Variants in WDR88 observed in about 807,000 individuals in gnomAD.
WDR88 encodes the protein WD repeat domain 88.
WDR88 carries 40 observed loss-of-function variants against 46.8 expected under a neutral mutation model. The ratio of observed to expected loss-of-function variants is 0.86; its 90% CI spans 0.66 to 1.11. WDR88 has a LOEUF of 1.11. Among genes scored for constraint, WDR88 ranks in the 50% most tolerant of loss-of-function variants. The pLI is 0.00. For synonymous variants in WDR88, 235 were observed against 240.7 expected (o/e 0.98, Z 0.22); for missense variants, 562 against 602.4 (o/e 0.93, Z 0.70).
Position 33,132,291 on chromosome 19 carries a change from C to T in WDR88, c.122C>T (p.Ala41Val), listed in dbSNP as rs375921114. The part of the protein sequence containing the change: ...GKLSWGTMAR[A>V]LGRFKLSIPH... ...CTGTCCTGGGGGACCATGGCGAGGG[C>T]CTTAGGCCGCTTCAAGCTGTCGATC... Residue 41 changes from alanine to valine, a missense_variant, in exon 1 of 11, where the codon GCC becomes GTC. Transcript: ENST00000355868. 7 of 1,613,642 alleles carry T rather than the reference C, an allele frequency of 4.3e-6. No homozygotes were observed. In the African/African-American group the frequency reaches 9.3e-5, roughly 22 times the overall value.
Position 33,175,769 on chromosome 19 carries a change from C to G in WDR88, c.*197C>G. 1.7e-6 allele frequency: 1 copy of G among 593,574 alleles called. No homozygotes were observed. The highest frequency in any genetic ancestry group is 3.0e-6 in the Non-Finnish European group (1 of 335,948). 36.8% of individuals were successfully genotyped at this position (593,574 alleles called of 1,614,324 possible). ...TTGGGGAGTGAACACTTTCCGTTTT[C>G]ATGCAGAATAAATCTAATTCCTTTG... is the stretch of plus-strand genomic sequence containing the variant. On this transcript the variant is annotated 3_prime_UTR_variant, in exon 11 of 11. Coordinates refer to ENST00000355868, the MANE Select transcript of WDR88 (RefSeq NM_173479.4).
At chr19:33,172,864 C>T (rs936741313) in intron 10 of WDR88, among the ~76,000 whole-genome samples, 5 of 151,784 alleles carry the variant, frequency 3.3e-5, no homozygotes, top group African/African-American at 1.2e-4. Context: ...CTGAAGCAGG[C>T]GGATCACCTG....
chr19:33,135,062 G>T (rs552110787), intron 1 of WDR88, among the ~76,000 whole-genome samples: 1 of 151,478 alleles, frequency 6.6e-6, no homozygotes, highest in Non-Finnish European at 1.5e-5. Flanking sequence ...TGGGTGGGGG[G>T]GGTGACATCT....
intron 8 of WDR88, among the ~76,000 whole-genome samples, chr19:33,163,347 T>A (rs1973901020): frequency 7.4e-6 from 1 of 134,308 alleles, no homozygotes; most frequent in Non-Finnish European, 1.6e-5. Context: ...AAAAAAAAAA[T>A]TAGCTGGGCA....
intron 2 of WDR88, among the ~76,000 whole-genome samples, chr19:33,144,418 T>C (rs1268811382): frequency 5.9e-5 from 9 of 152,178 alleles, no homozygotes; most frequent in Admixed American, 5.9e-4. Flanking sequence ...CAGGCTGGTC[T>C]TGAACTCCTG....
At chr19:33,132,534 C>T (rs1973150653) in intron 1 of WDR88, 89 bp downstream of exon 1, 2 of 1,540,386 alleles carry the variant, frequency 1.3e-6, no homozygotes, top group Non-Finnish European at 1.8e-6. Context: ...CATGGAAAAC[C>T]CACCTGGCTT....
At chr19:33,156,881 T>C (rs1973746136) in intron 7 of WDR88, among the ~76,000 whole-genome samples, 1 of 152,162 alleles carries the variant, frequency 6.6e-6, no homozygotes, top group Non-Finnish European at 1.5e-5. Context: ...AGCTTCCCTC[T>C]GTATCAGCCT....
Position 33,144,940 on chromosome 19 carries a change from T to C in WDR88, c.476+8T>C. The stretch of plus-strand genomic sequence containing the variant: ...CACCGGCGACAGCAGCAGGTGACCT[T>C]TCCCTCGTCTTACACTGGGAAGAGG... On this transcript the variant is annotated splice_region_variant and intron_variant, in intron 3 of 10. Coordinates refer to ENST00000355868, the MANE Select transcript of WDR88 (RefSeq NM_173479.4). 1 of 1,611,624 alleles carries C rather than the reference T, an allele frequency of 6.2e-7. No individual in the cohort carries two copies. The highest frequency in any genetic ancestry group is 8.5e-7 in the Non-Finnish European group (1 of 1,178,768).
intron 7 of WDR88, among the ~76,000 whole-genome samples, chr19:33,158,003 G>A (rs907447292): frequency 6.6e-6 from 1 of 152,036 alleles, no homozygotes; most frequent in African/African-American, 2.4e-5. Context: ...GGGACTAAGA[G>A]TAGGCAAGGA....
At chr19:33,160,385 C>CA in intron 7 of WDR88, 29 bp from the exon 8 acceptor site, 1 of 1,612,524 alleles carries the variant, frequency 6.2e-7, no homozygotes, top group South Asian at 1.1e-5. Context: ...AGTTGACCCC[C>CA]ATCTCCACCC....
At position 33,142,851 on chromosome 19, in the gene WDR88, C is replaced by CAAAAAAAAAA. The variant is rs74174644; in HGVS notation, c.388-1973_388-1964dup. ...TGAAACCCTGTCTCTACTAAAAATA[C>CAAAAAAAAAA]AAAAAAAAAAAAAAAAAAAAAAAAA... On this transcript the variant is annotated intron_variant, in intron 2 of 10. Transcript: ENST00000355868. 1.6e-3 allele frequency: 31 copies of CAAAAAAAAAA among 19,532 alleles called. 1 individual carries two copies. Among genetic ancestry groups the CAAAAAAAAAA allele is most frequent in the African/African-American group, 5.7e-3 (19 of 3,326 alleles). The allele number at this position is 19,532 out of a possible 1,614,324, so 1.2% of individuals were successfully genotyped here. A position where few individuals can be genotyped will look rare whatever the true frequency, so the allele number is the denominator to read the frequency against.
chr19:33,138,668 CTTT>C (rs1568358952), intron 2 of WDR88, among the ~76,000 whole-genome samples: 8 of 135,274 alleles, frequency 5.9e-5, no homozygotes, highest in Middle Eastern at 4.0e-3. Context: ...TTTTTTTTTC[CTTT>C]CTTTTCTTTT....
intron 7 of WDR88, among the ~76,000 whole-genome samples, chr19:33,157,707 A>G (rs373232757): frequency 2.1e-4 from 3 of 14,414 alleles, no homozygotes; most frequent in African/African-American, 4.7e-4. Context: ...ATATATATAT[A>G]TATATATATA....
chr19:33,156,333 C>T (rs957995429), intron 6 of WDR88, 22 bp from the exon 7 acceptor site: 1 of 1,611,022 alleles, frequency 6.2e-7, no homozygotes, highest in Non-Finnish European at 8.5e-7. Context: ...CTAATGTGTG[C>T]ACCCCACCAT....
intron 2 of WDR88, among the ~76,000 whole-genome samples, chr19:33,139,059 C>T (rs1049856933): frequency 3.3e-5 from 5 of 152,174 alleles, no homozygotes; most frequent in African/African-American, 9.7e-5. Context: ...GTCTCCTTCT[C>T]ATCTGGAAAA....
At position 33,156,405 on chromosome 19, in the gene WDR88, T is replaced by A; in HGVS notation, c.860T>A (p.Phe287Tyr). ...SNCCFTFSGH[F>Y]LCTSSWDKNL... The stretch of plus-strand genomic sequence containing the variant: ...TGCTGTTTTACCTTCAGTGGCCATT[T>A]CCTGTGTACAAGCTCCTGGGATAAA... The change falls in exon 7 of 11, where the codon TTC becomes TAC. Residue 287 changes from phenylalanine to tyrosine, a missense_variant. Phe to Tyr is a conservative substitution (Grantham distance 22). Transcript: ENST00000355868. 6.2e-7 allele frequency: 1 copy of A among 1,614,190 alleles called. No individual in the cohort carries two copies. The highest frequency in any genetic ancestry group is 8.5e-7 in the Non-Finnish European group (1 of 1,180,030).
intron 1 of WDR88, among the ~76,000 whole-genome samples, chr19:33,133,180 TAAATAAATAA>T (rs1315943162): frequency 2.3e-5 from 2 of 85,108 alleles, no homozygotes; most frequent in African/African-American, 4.7e-5. Context: ...AATAAATAAA[TAAATAAATAA>T]ATAAATATAG....
chr19:33,148,723 C>G, intron 4 of WDR88, 49 bp from the exon 5 acceptor site: 1 of 1,611,492 alleles, frequency 6.2e-7, no homozygotes, highest in East Asian at 2.2e-5. Flanking sequence ...ACAGGTGTAA[C>G]ACACCACACC....
intron 6 of WDR88, among the ~76,000 whole-genome samples, chr19:33,155,628 A>G (rs892950535): frequency 6.6e-6 from 1 of 152,072 alleles, no homozygotes; most frequent in Non-Finnish European, 1.5e-5. Flanking sequence ...AAAGATGGGG[A>G]GCAGGAGAGA....
Sources: allele counts gnomAD v4.1 joint callset (sites outside exome capture counted in the v4.1 genomes callset), GRCh38; gene constraint gnomAD v4.1.1; transcripts MANE v1.5; gene names NCBI Gene and HGNC (gene_info 2026-07-23, HGNC 2026-07-21).